The following KCNN2 variants were observed in gnomAD, a reference collection of about 807,000 sequenced individuals.
KCNN2 encodes the protein small conductance calcium-activated potassium channel protein 2.
KCNN2 carries 24 observed loss-of-function variants against 55.5 expected under a neutral mutation model. The observed-to-expected ratio is 0.43, with a 90% CI of 0.31 to 0.61. KCNN2 has a LOEUF of 0.61. Ranked by LOEUF, KCNN2 falls within the 20% of genes least tolerant of loss-of-function variation. KCNN2 has a pLI of 0.08. For missense variants in KCNN2, 754 were observed against 853.6 expected, an observed-to-expected ratio of 0.88 and a Z score of 1.45; for synonymous variants, 431 against 336.1, an observed-to-expected ratio of 1.28 and a Z score of -3.09.
At chr5:114,225,628 A>C (rs1754225055) in intron 2 of KCNN2, among the ~76,000 whole-genome samples, 1 of 152,182 alleles carries the variant, frequency 6.6e-6, no homozygotes, top group South Asian at 2.1e-4. Context: ...GTCTAAGCAT[A>C]AAAAGGCAAA....
At chr5:114,244,615 G>T (rs915466424) in intron 2 of KCNN2, among the ~76,000 whole-genome samples, 2 of 151,674 alleles carry the variant, frequency 1.3e-5, no homozygotes, top group South Asian at 4.2e-4. Flanking sequence ...GGGGGTTATT[G>T]GGGGGAGTGT....
Position 114,123,517 on chromosome 5 carries a change from C to T in KCNN2, c.-271+67017C>T, listed in dbSNP as rs989006753. Reference sequence around the variant, plus strand: ...AGCTGGGACTACAGGCGCCCGCCACCACGCCCGGCTAATTTTTTGTGTTTT... The same window carrying T: ...AGCTGGGACTACAGGCGCCCGCCACTACGCCCGGCTAATTTTTTGTGTTTT... On this transcript the variant is annotated intron_variant, in intron 1 of 10. Transcript: ENST00000512097. 6.7e-5 allele frequency among the ~76,000 whole-genome samples: 8 copies of T among 119,824 alleles called. 1 individual carries two copies. The highest frequency in any genetic ancestry group is 2.0e-4 in the East Asian group (1 of 5,100). The allele number at this position is 119,824 out of a possible 152,430, so 78.6% of individuals were successfully genotyped here.
At chr5:114,301,243 T>C (rs1278037605) in intron 2 of KCNN2, among the ~76,000 whole-genome samples, 2 of 152,136 alleles carry the variant, frequency 1.3e-5, no homozygotes, top group African/African-American at 4.8e-5. Flanking sequence ...TATTTAATCT[T>C]TGTCTTTGTA....
chr5:114,407,504 T>C (rs1275042062), intron 3 of KCNN2, among the ~76,000 whole-genome samples: 1 of 152,214 alleles, frequency 6.6e-6, no homozygotes, highest in African/African-American at 2.4e-5. Flanking sequence ...TTGAAATTTT[T>C]CTCTTTGCAT....
chr5:114,198,194 G>A (rs1348929843), intron 1 of KCNN2, among the ~76,000 whole-genome samples: 1 of 151,536 alleles, frequency 6.6e-6, no homozygotes, highest in Non-Finnish European at 1.5e-5. Flanking sequence ...TGTTGAGTCT[G>A]ATAAATATCT....
intron 3 of KCNN2, among the ~76,000 whole-genome samples, chr5:114,413,185 A>G (rs933818986): frequency 3.9e-5 from 6 of 152,242 alleles, no homozygotes; most frequent in African/African-American, 1.4e-4. Flanking sequence ...TAAATTGGTC[A>G]TTAAAGTCTT....
chr5:114,260,338 C>T (rs1755076714), intron 2 of KCNN2, among the ~76,000 whole-genome samples: 1 of 152,140 alleles, frequency 6.6e-6, no homozygotes, highest in Non-Finnish European at 1.5e-5. Flanking sequence ...ACCTCTGTGA[C>T]CTCATCTTTA....
rs143302522 is a variant in KCNN2, at chr5:114,493,825, T to C, written c.2088+353T>C. ...AACTGCATCCTAGGTGTGACTGTGA[T>C]ATTCAGGAATGAATAGGACTCATCA... On this transcript the variant is annotated intron_variant, in intron 7 of 7. Coordinates refer to ENST00000673685, the MANE Select transcript of KCNN2 (RefSeq NM_021614.4). Among the ~76,000 whole-genome samples, 21 of 152,270 alleles carry C rather than the reference T, an allele frequency of 1.4e-4. No individual in the cohort carries two copies. The East Asian group carries it at 2.5e-3, about 18-fold the overall frequency.
chr5:114,478,899 C>A (rs183196696), intron 5 of KCNN2, among the ~76,000 whole-genome samples: 2 of 152,054 alleles, frequency 1.3e-5, no homozygotes, highest in Non-Finnish European at 2.9e-5. Flanking sequence ...CTGAAGGAAG[C>A]ACTAAATATG....
intron 2 of KCNN2, among the ~76,000 whole-genome samples, chr5:114,339,040 G>A (rs1191916612): frequency 1.3e-5 from 2 of 152,372 alleles, no homozygotes; most frequent in South Asian, 4.1e-4. Flanking sequence ...AGCCTTCGCT[G>A]TTGCTCTGTG....
At chr5:114,284,594 T>C (rs955849587) in intron 2 of KCNN2, among the ~76,000 whole-genome samples, 1 of 152,170 alleles carries the variant, frequency 6.6e-6, no homozygotes, top group Non-Finnish European at 1.5e-5. Flanking sequence ...CTTGGCTCAC[T>C]GCAATCTTTG....
intron 2 of KCNN2, among the ~76,000 whole-genome samples, chr5:114,230,028 A>T (rs13187760): frequency 6.6e-6 from 1 of 152,144 alleles, no homozygotes; most frequent in Non-Finnish European, 1.5e-5. Context: ...ATAGACCTAA[A>T]GGTGAGAAAT....
At chr5:114,175,751 C>A (rs889183159) in intron 1 of KCNN2, among the ~76,000 whole-genome samples, 1 of 152,116 alleles carries the variant, frequency 6.6e-6, no homozygotes, top group Non-Finnish European at 1.5e-5. Flanking sequence ...TATTTTAATT[C>A]TTTTGTGACT....
chr5:114,271,456 CTAAA>C (rs1377017576), intron 2 of KCNN2, among the ~76,000 whole-genome samples: 4 of 152,054 alleles, frequency 2.6e-5, no homozygotes, highest in South Asian at 2.1e-4. Flanking sequence ...CTCATTACTA[CTAAA>C]TAAATAGTGT....
chr5:114,305,288 G>C (rs940062072), intron 2 of KCNN2, among the ~76,000 whole-genome samples: 3 of 152,190 alleles, frequency 2.0e-5, no homozygotes, highest in African/African-American at 7.2e-5. Flanking sequence ...CTAGGCCAGA[G>C]ATGGCCTACG....
chr5:114,222,937 CTT>C (rs928421838), intron 2 of KCNN2, among the ~76,000 whole-genome samples: 1 of 152,146 alleles, frequency 6.6e-6, no homozygotes, highest in African/African-American at 2.4e-5. Context: ...TATTTAAACG[CTT>C]AATCTTAGGG....
chr5:114,086,032 T>C (rs538282663), intron 1 of KCNN2, among the ~76,000 whole-genome samples: 31 of 152,170 alleles, frequency 2.0e-4, no homozygotes, highest in Non-Finnish European at 3.5e-4. Flanking sequence ...TTGTCTGATA[T>C]TAGTATAGCA....
intron 1 of KCNN2, among the ~76,000 whole-genome samples, chr5:114,097,558 C>T (rs1054101037): frequency 6.6e-5 from 10 of 152,010 alleles, no homozygotes; most frequent in Admixed American, 5.9e-4. Flanking sequence ...TATTAAAATG[C>T]TGTCTCTCGC....
chr5:114,349,234 A>G (rs1291791643), intron 2 of KCNN2, among the ~76,000 whole-genome samples: 1 of 152,018 alleles, frequency 6.6e-6, no homozygotes, highest in African/African-American at 2.4e-5. Flanking sequence ...TCAAGACTTC[A>G]TTGGTTTTTA....
Sources: allele counts gnomAD v4.1 joint callset (sites outside exome capture counted in the v4.1 genomes callset), GRCh38; gene constraint gnomAD v4.1.1; transcripts MANE v1.5; gene names NCBI Gene and HGNC (gene_info 2026-07-23, HGNC 2026-07-21).